Variants in SUCLG2 observed in about 807,000 individuals in gnomAD.
SUCLG2 encodes the protein succinate--CoA ligase [GDP-forming] subunit beta, mitochondrial.
Under a neutral mutation model 47.9 loss-of-function variants are expected in SUCLG2, and 42 were observed. The observed-to-expected ratio is 0.88, with a 90% CI of 0.69 to 1.14. SUCLG2 has a LOEUF of 1.14. SUCLG2 is among the 50% of genes most tolerant of loss of function. The pLI, the probability that SUCLG2 is intolerant of heterozygous loss-of-function variation, is 0.00. For missense variants in SUCLG2, 571 were observed against 525.9 expected, an observed-to-expected ratio of 1.09 and a Z score of -0.84; for synonymous variants, 195 against 197.3, an observed-to-expected ratio of 0.99 and a Z score of 0.10.
At chr3:67,584,312 T>C (rs988848173) in intron 2 of SUCLG2, among the ~76,000 whole-genome samples, 1 of 152,176 alleles carries the variant, frequency 6.6e-6, no homozygotes, top group African/African-American at 2.4e-5. Flanking sequence ...CCACATGCTG[T>C]AGCATTCCAT....
At chr3:67,615,629 C>CAA (rs1700613700) in intron 1 of SUCLG2, among the ~76,000 whole-genome samples, 1 of 151,436 alleles carries the variant, frequency 6.6e-6, no homozygotes. Context: ...CAAACACACA[C>CAA]ACACACACAC....
intron 2 of SUCLG2, among the ~76,000 whole-genome samples, chr3:67,586,455 G>A (rs1369145242): frequency 6.6e-6 from 1 of 152,154 alleles, no homozygotes; most frequent in Non-Finnish European, 1.5e-5. Context: ...TTGATTTCGA[G>A]AGATCAGAAA....
intron 2 of SUCLG2, among the ~76,000 whole-genome samples, chr3:67,574,715 C>T (rs1181643698): frequency 1.3e-5 from 2 of 152,174 alleles, no homozygotes; most frequent in Non-Finnish European, 2.9e-5. Flanking sequence ...GTAAGTTGGA[C>T]TTTGTTAAAA....
At chr3:67,596,871 G>C (rs768004699) in intron 2 of SUCLG2, among the ~76,000 whole-genome samples, 12 of 152,192 alleles carry the variant, frequency 7.9e-5, no homozygotes, top group Non-Finnish European at 1.2e-4. Flanking sequence ...TTTTCCAGAA[G>C]TAGGGGAGGC....
At chr3:67,481,683 C>T (rs757962089) in intron 9 of SUCLG2, among the ~76,000 whole-genome samples, 115 of 152,282 alleles carry the variant, frequency 7.6e-4, no homozygotes, top group Non-Finnish European at 1.4e-3. Flanking sequence ...TTGCTCTATA[C>T]TGGGTTTTTA....
chr3:67,427,090 G>A (rs1223906873), intron 9 of SUCLG2, among the ~76,000 whole-genome samples: 10 of 152,166 alleles, frequency 6.6e-5, no homozygotes, highest in Non-Finnish European at 1.5e-4. Flanking sequence ...TTACCTGAAA[G>A]AACGGTTTTT....
rs988072941 is a variant in SUCLG2, at chr3:67,634,159, T to C, written c.84+20344A>G. Among the ~76,000 whole-genome samples, 15 of 152,340 alleles carry C rather than the reference T, an allele frequency of 9.8e-5. No homozygotes were observed. In the South Asian group the frequency reaches 1.5e-3, roughly 15 times the overall value. ...GATCCTGCATCGTCTAGCTTCTTCATAGCCAGTATATTGCAGTGCTCAGTG... is the reference window on the plus strand; with the variant it reads ...GATCCTGCATCGTCTAGCTTCTTCACAGCCAGTATATTGCAGTGCTCAGTG... On this transcript the variant is annotated intron_variant, in intron 1 of 10. Coordinates refer to ENST00000307227, the MANE Select transcript of SUCLG2 (RefSeq NM_003848.4).
rs1276286497 is a variant in SUCLG2 at position 67,444,283 on chromosome 3, A to G, written c.1063-43432T>C. 2.7e-3 allele frequency among the ~76,000 whole-genome samples: 114 copies of G among 42,962 alleles called. 1 individual carries two copies. The highest frequency in any genetic ancestry group is 8.8e-3 in the African/African-American group (103 of 11,642). 28.2% of individuals were successfully genotyped at this position (42,962 alleles called of 152,430 possible). On this transcript the variant is annotated intron_variant, in intron 9 of 10. Coordinates refer to ENST00000307227, the MANE Select transcript of SUCLG2 (RefSeq NM_003848.4). ...GCCAGCCACCCCGTCCAGGAGGGAG[A>G]TGGGGGGGTCAGCCCTCCCACCCGG...
intron 1 of SUCLG2, among the ~76,000 whole-genome samples, chr3:67,621,387 G>A (rs1700734346): frequency 6.6e-6 from 1 of 152,158 alleles, no homozygotes; most frequent in Non-Finnish European, 1.5e-5. Context: ...TGATATGCAT[G>A]TGGTAAATCT....
At chr3:67,526,216 G>A (rs1341621735) in intron 4 of SUCLG2, among the ~76,000 whole-genome samples, 8 of 151,982 alleles carry the variant, frequency 5.3e-5, no homozygotes, top group Admixed American at 5.2e-4. Flanking sequence ...GGCTTCCCTG[G>A]GCCACAATGG....
intron 8 of SUCLG2, among the ~76,000 whole-genome samples, chr3:67,497,650 AG>A (rs1705381811): frequency 6.6e-6 from 1 of 152,194 alleles, no homozygotes; most frequent in Non-Finnish European, 1.5e-5. Context: ...ATTTCAGAAG[AG>A]TTCTGCATAT....
intron 1 of SUCLG2, among the ~76,000 whole-genome samples, chr3:67,618,972 C>T (rs751375393): frequency 1.1e-4 from 17 of 152,160 alleles, no homozygotes; most frequent in African/African-American, 3.1e-4. Context: ...CCATTGACAA[C>T]GCATCTCTGA....
chr3:67,499,283 T>C (rs891385414), intron 7 of SUCLG2, among the ~76,000 whole-genome samples: 1 of 152,232 alleles, frequency 6.6e-6, no homozygotes, highest in African/African-American at 2.4e-5. Flanking sequence ...CTCTGTAACC[T>C]TGATAAAATA....
chr3:67,629,098 A>G (rs887242675), intron 1 of SUCLG2, among the ~76,000 whole-genome samples: 2 of 152,208 alleles, frequency 1.3e-5, no homozygotes, highest in African/African-American at 4.8e-5. Context: ...TCTGCTGAAT[A>G]TGAAGAGAGG....
intron 1 of SUCLG2, among the ~76,000 whole-genome samples, chr3:67,626,272 G>A (rs931209946): frequency 3.3e-5 from 5 of 151,994 alleles, no homozygotes; most frequent in Non-Finnish European, 7.4e-5. Flanking sequence ...GATTACAGGC[G>A]TGAGCCACTG....
intron 1 of SUCLG2, among the ~76,000 whole-genome samples, chr3:67,642,795 T>A (rs1701123505): frequency 6.6e-6 from 1 of 152,120 alleles, no homozygotes. Context: ...TCATTTCAGG[T>A]TATCCAGACA....
chr3:67,390,144 A>G (rs1702348712), intron 10 of SUCLG2, among the ~76,000 whole-genome samples: 1 of 152,222 alleles, frequency 6.6e-6, no homozygotes, highest in South Asian at 2.1e-4. Flanking sequence ...TGATCCAGAT[A>G]ACAGACATTT....
At chr3:67,449,969 C>T (rs1221015139) in intron 9 of SUCLG2, among the ~76,000 whole-genome samples, 1 of 151,906 alleles carries the variant, frequency 6.6e-6, no homozygotes, top group Non-Finnish European at 1.5e-5. Context: ...GTATCACTAT[C>T]AATACGAAAA....
intron 4 of SUCLG2, among the ~76,000 whole-genome samples, chr3:67,522,284 A>G (rs1441004086): frequency 2.0e-5 from 3 of 151,978 alleles, no homozygotes; most frequent in Non-Finnish European, 4.4e-5. Context: ...GACTCAAGCA[A>G]TACACTCGCC....
Sources: allele counts gnomAD v4.1 joint callset (sites outside exome capture counted in the v4.1 genomes callset), GRCh38; gene constraint gnomAD v4.1.1; transcripts MANE v1.5; gene names NCBI Gene and HGNC (gene_info 2026-07-23, HGNC 2026-07-21).